Variants in DNMT3B observed in about 807,000 individuals in gnomAD.
DNMT3B encodes the protein DNA (cytosine-5)-methyltransferase 3B.
DNMT3B carries 37 observed loss-of-function variants against 120.2 expected under a neutral mutation model. The observed-to-expected ratio is 0.31, with a 90% CI of 0.24 to 0.40. The LOEUF (loss-of-function observed/expected upper bound fraction) is 0.40. Among genes scored for constraint, DNMT3B ranks in the 10% least tolerant of loss-of-function variants. The probability of loss-of-function intolerance (pLI) is 1.00; values close to 1 mark genes in which losing one functional copy is unlikely to be tolerated. For missense variants in DNMT3B, 878 were observed against 1,137.3 expected, an observed-to-expected ratio of 0.77 and a Z score of 3.28; for synonymous variants, 412 against 442.8, an observed-to-expected ratio of 0.93 and a Z score of 0.87.
intron 22 of DNMT3B, among the ~76,000 whole-genome samples, chr20:32,806,870 T>G (rs1005589057): frequency 6.6e-6 from 1 of 152,276 alleles, no homozygotes; most frequent in Non-Finnish European, 1.5e-5. Context: ...GCTATAGTGA[T>G]TATGGCTTTG....
At chr20:32,774,666 C>G (rs1290781505) in intron 1 of DNMT3B, among the ~76,000 whole-genome samples, 1 of 151,766 alleles carries the variant, frequency 6.6e-6, no homozygotes, top group East Asian at 1.9e-4. Context: ...TGCTCCTTCC[C>G]ATCCTCCCGT....
rs774924659 is a variant in DNMT3B at position 32,784,707 on chromosome 20, C to T, written c.205-51C>T. The T allele has an allele frequency of 2.9e-5, 46 of 1,601,424 alleles. No individual in the cohort carries two copies. In the Middle Eastern group the frequency reaches 6.6e-4, roughly 23 times the overall value. Reference sequence around the variant, plus strand: ...TATTGCAGGTGCCTTGTTTCTTTGACTTGCTGATACCCTGGGGTCTTCATC... The same window carrying T: ...TATTGCAGGTGCCTTGTTTCTTTGATTTGCTGATACCCTGGGGTCTTCATC... On this transcript the variant is annotated intron_variant, in intron 3 of 22. Transcript: ENST00000328111.
In DNMT3B at chr20:32,798,442, C is replaced by T. The variant is rs374012627; in HGVS notation, c.1491-18C>T. 1.2e-6 allele frequency: 2 copies of T among 1,614,078 alleles called. No individual in the cohort carries two copies. Among genetic ancestry groups the T allele is most frequent in the Non-Finnish European group, 1.7e-6 (2 of 1,180,012 alleles). Reference sequence around the variant, plus strand: ...CAGCTCTGACAAAGGCATCCCTTCTCCCTGCCACTGGGTCCAGGTGTTTCT... The same window carrying T: ...CAGCTCTGACAAAGGCATCCCTTCTTCCTGCCACTGGGTCCAGGTGTTTCT... On this transcript the variant is annotated intron_variant, in intron 14 of 22. Transcript: ENST00000328111.
intron 1 of DNMT3B, among the ~76,000 whole-genome samples, chr20:32,767,004 C>T (rs112759683): frequency 1.6e-4 from 24 of 152,234 alleles, no homozygotes; most frequent in Middle Eastern, 3.4e-3. Context: ...GATTCTCCTG[C>T]GTCAGCCTCC....
intron 3 of DNMT3B, among the ~76,000 whole-genome samples, chr20:32,784,001 C>A (rs1978952769): frequency 1.3e-5 from 2 of 151,782 alleles, no homozygotes; most frequent in South Asian, 4.2e-4. Flanking sequence ...ACCTCCACCT[C>A]CCAGGTTTAA....
At chr20:32,797,120 C>G (rs1228748946) in intron 13 of DNMT3B, 67 bp from the exon 14 acceptor site, 1 of 1,606,938 alleles carries the variant, frequency 6.2e-7, no homozygotes, top group Non-Finnish European at 8.5e-7. Context: ...GGGCCTCCAC[C>G]AGCAAGCCGG....
At chr20:32,800,043 T>C (rs660291) in intron 16 of DNMT3B, 110 bp from the exon 17 acceptor site, 87,075 of 1,482,454 alleles carry the variant, frequency 0.059, 2,959 homozygotes, top group Non-Finnish European at 0.069. Flanking sequence ...ATTGAACGCA[T>C]GTGATACAGT....
At chr20:32,783,330 T>C (rs1475683108) in intron 3 of DNMT3B, among the ~76,000 whole-genome samples, 2 of 152,228 alleles carry the variant, frequency 1.3e-5, no homozygotes, top group Non-Finnish European at 2.9e-5. Flanking sequence ...CTTATTTTAA[T>C]GAATTTCAAA....
intron 1 of DNMT3B, among the ~76,000 whole-genome samples, chr20:32,777,773 G>C (rs1988139509): frequency 6.6e-6 from 1 of 152,160 alleles, no homozygotes; most frequent in Non-Finnish European, 1.5e-5. Context: ...TGTCTCATAG[G>C]AACTGGCCAT....
chr20:32,771,390 CA>C (rs1987725906), intron 1 of DNMT3B, among the ~76,000 whole-genome samples: 2 of 152,118 alleles, frequency 1.3e-5, no homozygotes, highest in Admixed American at 1.3e-4. Context: ...CCTGTAATCC[CA>C]GCACTTTGGG....
chr20:32,801,274 A>C lies in DNMT3B; in HGVS notation c.1997-4A>C. 1 of 1,614,178 alleles carries C rather than the reference A, an allele frequency of 6.2e-7. No homozygotes were observed. Among genetic ancestry groups the C allele is most frequent in the Non-Finnish European group, 8.5e-7 (1 of 1,180,032 alleles). ...CCCTGCGCTGTCATCTTTTCTGAGCACAGAGGGTACAGGCCGGCTCTTCTT... is the reference window on the plus strand; with the variant it reads ...CCCTGCGCTGTCATCTTTTCTGAGCCCAGAGGGTACAGGCCGGCTCTTCTT... On this transcript the variant is annotated splice_region_variant and splice_polypyrimidine_tract_variant and intron_variant, in intron 18 of 22. Coordinates refer to ENST00000328111, the MANE Select transcript of DNMT3B (RefSeq NM_006892.4).
intron 1 of DNMT3B, among the ~76,000 whole-genome samples, chr20:32,764,242 C>T (rs906006983): frequency 1.3e-5 from 2 of 152,176 alleles, no homozygotes; most frequent in Non-Finnish European, 2.9e-5. Context: ...AATAGTCCTA[C>T]TAATAGGGTT....
chr20:32,798,051 C>T (rs1167545619), intron 14 of DNMT3B, among the ~76,000 whole-genome samples: 5 of 152,002 alleles, frequency 3.3e-5, no homozygotes, highest in Non-Finnish European at 5.9e-5. Flanking sequence ...AAGCCATTCT[C>T]CTACCTCAGC....
At chr20:32,785,703 GGACACA>G (rs1979185913) in intron 4 of DNMT3B, among the ~76,000 whole-genome samples, 1 of 152,166 alleles carries the variant, frequency 6.6e-6, no homozygotes, top group East Asian at 1.9e-4. Context: ...TGCATAATTT[GGACACA>G]GGTTCTGCAA....
chr20:32,779,868 C>T (rs1978363790), intron 1 of DNMT3B: 1 of 598,484 alleles, frequency 1.7e-6, no homozygotes, highest in African/African-American at 1.9e-5. Context: ...AGAGAGCAAA[C>T]AAAGGGGTCA....
chr20:32,798,742 C>A, intron 15 of DNMT3B, 99 bp downstream of exon 15: 1 of 1,529,164 alleles, frequency 6.5e-7, no homozygotes, highest in Non-Finnish European at 8.9e-7. Context: ...AGTAAAGACA[C>A]GTTGTACCTC....
At chr20:32,799,576 A>G (rs1230053857) in intron 16 of DNMT3B, among the ~76,000 whole-genome samples, 1 of 152,052 alleles carries the variant, frequency 6.6e-6, no homozygotes, top group Admixed American at 6.6e-5. Flanking sequence ...TTAGAGTGCA[A>G]TGGCGTGATC....
intron 9 of DNMT3B, among the ~76,000 whole-genome samples, chr20:32,793,071 A>G (rs1158323253): frequency 6.6e-6 from 1 of 152,234 alleles, no homozygotes; most frequent in African/African-American, 2.4e-5. Flanking sequence ...TAGTTAAGCT[A>G]TGCTCATTTG....
Position 32,788,940 on chromosome 20 carries a change from G to T in DNMT3B, c.741G>T (p.Lys247Asn). ...SWWPAMVVSW[K>N]ATSKRQAMSG... is the part of the protein sequence containing the mutation. ...GGCCCGCCATGGTGGTGTCTTGGAAGGCCACCTCCAAGCGACAGGCTATGT... is the reference window on the plus strand; with the variant it reads ...GGCCCGCCATGGTGGTGTCTTGGAATGCCACCTCCAAGCGACAGGCTATGT... The change falls in exon 7 of 23, where the codon AAG becomes AAT. Residue 247 changes from lysine to asparagine, a missense_variant. By Grantham distance (94) the Lys-to-Asn change is moderately conservative. This residue lies in a region of DNMT3B where 50 missense variants were observed against 89.7 expected (regional missense o/e 0.56). Transcript: ENST00000328111. The T allele has an allele frequency of 6.2e-7, 1 of 1,613,770 alleles. No individual in the cohort carries two copies. Among genetic ancestry groups the T allele is most frequent in the Non-Finnish European group, 8.5e-7 (1 of 1,179,942 alleles).
Sources: gnomAD v4.1 joint callset for allele counts (sites outside exome capture counted in the v4.1 genomes callset) on GRCh38, gnomAD v4.1.1 for gene constraint, gnomAD v4.1.1 regional missense constraint, MANE v1.5 for transcripts, NCBI Gene and HGNC (gene_info 2026-07-23, HGNC 2026-07-21) for gene names.